Variants in TSC22D1 observed in about 807,000 individuals in gnomAD.
TSC22D1 encodes the protein TSC22 domain family protein 1.
Under a neutral mutation model 74.2 loss-of-function variants are expected in TSC22D1, and 9 were observed. The observed-to-expected ratio is 0.12, with a 90% CI of 0.07 to 0.21. TSC22D1 has a LOEUF of 0.21. TSC22D1 is among the 10% of genes least tolerant of loss of function. The pLI is 1.00. For missense variants in TSC22D1, 1,427 were observed against 1,304.7 expected (o/e 1.09, Z -1.44); for synonymous variants, 586 against 492.5 (o/e 1.19, Z -2.51).
intron 1 of TSC22D1, among the ~76,000 whole-genome samples, chr13:44,532,896 G>C (rs553465961): frequency 6.6e-6 from 1 of 152,178 alleles, no homozygotes; most frequent in African/African-American, 2.4e-5. Context: ...CTATCTTGAA[G>C]GCTGTCACAT....
chr13:44,483,650 A>G (rs1273792118), intron 1 of TSC22D1, among the ~76,000 whole-genome samples: 2 of 151,366 alleles, frequency 1.3e-5, no homozygotes, highest in African/African-American at 2.4e-5. Context: ...CCTGGGCGAC[A>G]GAGCGAGACT....
chr13:44,445,099 A>C (rs2138884044), intron 1 of TSC22D1, among the ~76,000 whole-genome samples: 1 of 152,232 alleles, frequency 6.6e-6, no homozygotes. Flanking sequence ...CACTAAAGCC[A>C]GATAAAGACA....
intron 1 of TSC22D1, among the ~76,000 whole-genome samples, chr13:44,447,838 T>TTC (rs1875812509): frequency 6.7e-6 from 1 of 149,034 alleles, no homozygotes; most frequent in African/African-American, 2.5e-5. Context: ...CTTTTCTTTT[T>TTC]TTTTTTTTTT....
chr13:44,434,408 T>C lies in TSC22D1; in HGVS notation c.*218A>G. The C allele has an allele frequency of 3.7e-6, 5 of 1,359,804 alleles. No homozygotes were observed. The highest frequency in any genetic ancestry group is 4.7e-6 in the Non-Finnish European group (5 of 1,064,694). 84.2% of individuals were successfully genotyped at this position (1,359,804 alleles called of 1,614,324 possible). A position where few individuals can be genotyped will look rare whatever the true frequency, so the allele number is the denominator to read the frequency against. ...GAGGTCCCGGTATATCCATGCTAAT[T>C]CTCGGATTAACCTTTAATTCACCCA... On this transcript the variant is annotated 3_prime_UTR_variant, in exon 3 of 3. Transcript: ENST00000458659.
chr13:44,573,439 G>C lies in TSC22D1; in HGVS notation c.2636C>G (p.Ala879Gly). Reference sequence around the variant, plus strand: ...TGCCAAAGGCAAATTTGTATTAGTTGCTATCAAGGGAGGTTGACTAACACT... The same window carrying C: ...TGCCAAAGGCAAATTTGTATTAGTTCCTATCAAGGGAGGTTGACTAACACT... The part of the protein sequence containing the change: ...VQSVSQPPLI[A>G]TNTNLPLAQQ... The change falls in exon 1 of 3, where the codon GCA (alanine) becomes GGA (glycine). Residue 879 changes from alanine (A) to glycine (G), a missense_variant. Ala to Gly is a moderately conservative substitution (Grantham distance 60). Around this residue, in one of 3 missense-constraint regions of TSC22D1, gnomAD observed 1,343 missense variants for 1,191.5 expected, o/e 1.13. Coordinates refer to ENST00000458659, the MANE Select transcript of TSC22D1 (RefSeq NM_183422.4). The C allele has an allele frequency of 6.2e-7, 1 of 1,614,248 alleles. No individual in the cohort carries two copies. The highest frequency in any genetic ancestry group is 8.5e-7 in the Non-Finnish European group (1 of 1,180,046).
At chr13:44,556,011 T>C (rs952055571) in intron 1 of TSC22D1, among the ~76,000 whole-genome samples, 2 of 152,110 alleles carry the variant, frequency 1.3e-5, no homozygotes, top group Non-Finnish European at 2.9e-5. Context: ...CTTTTGGCTA[T>C]TTCATACTGG....
chr13:44,502,205 T>C (rs1879252559), intron 1 of TSC22D1, among the ~76,000 whole-genome samples: 1 of 152,190 alleles, frequency 6.6e-6, no homozygotes, highest in Non-Finnish European at 1.5e-5. Context: ...GGTGAGTACG[T>C]TGTTGATTTT....
intron 1 of TSC22D1, among the ~76,000 whole-genome samples, chr13:44,546,777 G>GTGTGTGTGTGTGTGTGTGT (rs1555271885): frequency 9.8e-6 from 1 of 101,784 alleles, no homozygotes; most frequent in Admixed American, 9.8e-5. Context: ...TGTGTGTGTA[G>GTGTGTGTGTGTGTGTGTGT]GTATGTATGT....
chr13:44,445,545 A>G (rs1346167818), intron 1 of TSC22D1, among the ~76,000 whole-genome samples: 1 of 152,172 alleles, frequency 6.6e-6, no homozygotes, highest in East Asian at 1.9e-4. Flanking sequence ...ACCATAATGA[A>G]AAACTTGTTT....
intron 1 of TSC22D1, among the ~76,000 whole-genome samples, chr13:44,482,131 A>C (rs1878205604): frequency 1.3e-5 from 2 of 152,252 alleles, no homozygotes; most frequent in Admixed American, 1.3e-4. Flanking sequence ...GTATGTTATA[A>C]AAGAATTGAC....
intron 1 of TSC22D1, among the ~76,000 whole-genome samples, chr13:44,571,506 G>T (rs750483479): frequency 1.8e-4 from 28 of 152,090 alleles, no homozygotes; most frequent in Non-Finnish European, 3.7e-4. Context: ...CAAAATCATG[G>T]CAAGTTTGAA....
At chr13:44,523,697 C>G (rs1207778627) in intron 1 of TSC22D1, among the ~76,000 whole-genome samples, 1 of 152,084 alleles carries the variant, frequency 6.6e-6, no homozygotes, top group Non-Finnish European at 1.5e-5. Context: ...ACAGTGGTAT[C>G]AGAAGCGACA....
At chr13:44,517,833 A>G (rs866332458) in intron 1 of TSC22D1, among the ~76,000 whole-genome samples, 66 of 15,098 alleles carry the variant, frequency 4.4e-3, no homozygotes, top group African/African-American at 7.0e-3. Flanking sequence ...GTGTGTGTAT[A>G]TATATATATA....
chr13:44,574,518 C>T lies in TSC22D1; in HGVS notation c.1557G>A (p.Gln519=), dbSNP rs750753773. The change falls in exon 1 of 3, where the codon CAG becomes CAA. Residue 519 remains glutamine (Q), a synonymous_variant. Transcript: ENST00000458659. ...GTGGACCAGTGCTACCAAAATCCAT[C>T]TGTTGGAGGGTCACACCTTGGAGAG... ...QPALQGVTLQ[Q]MDFGSTGPQS... The T allele has an allele frequency of 6.2e-6, 10 of 1,614,146 alleles. 1 individual carries two copies. The South Asian group carries it at 1.1e-4, about 18-fold the overall frequency.
intron 1 of TSC22D1, among the ~76,000 whole-genome samples, chr13:44,560,828 T>C (rs561546230): frequency 2.9e-4 from 44 of 152,312 alleles, no homozygotes; most frequent in Admixed American, 1.3e-4. Flanking sequence ...AACTAGCAAA[T>C]ATTCAATATC....
intron 1 of TSC22D1, among the ~76,000 whole-genome samples, chr13:44,444,834 TAAAG>T (rs894792336): frequency 6.6e-6 from 1 of 152,134 alleles, no homozygotes; most frequent in African/African-American, 2.4e-5. Context: ...CAAATTCTTA[TAAAG>T]ACACAACCTA....
chr13:44,506,377 C>T (rs549235929), intron 1 of TSC22D1, among the ~76,000 whole-genome samples: 1 of 152,212 alleles, frequency 6.6e-6, no homozygotes, highest in Admixed American at 6.5e-5. Context: ...CAAACTAATG[C>T]AGGAACAGAA....
intron 1 of TSC22D1, chr13:44,437,392 C>A (rs1874801879): frequency 3.0e-5 from 10 of 332,466 alleles, no homozygotes; most frequent in Non-Finnish European, 4.3e-5. Context: ...TAATAATCAC[C>A]CTGCAATCAT....
chr13:44,512,542 C>G (rs1879782347), intron 1 of TSC22D1, among the ~76,000 whole-genome samples: 1 of 152,180 alleles, frequency 6.6e-6, no homozygotes, highest in Non-Finnish European at 1.5e-5. Flanking sequence ...CCTATATTCC[C>G]TATTACTGTG....
Sources: allele counts gnomAD v4.1 joint callset (sites outside exome capture counted in the v4.1 genomes callset), GRCh38; gene constraint gnomAD v4.1.1; regional missense constraint gnomAD v4.1.1; transcripts MANE v1.5; gene names NCBI Gene and HGNC (gene_info 2026-07-23, HGNC 2026-07-21).